Variants in FOXK1 observed in about 807,000 individuals in gnomAD.
FOXK1 encodes the protein forkhead box K1, also known as forkhead box protein K1.
FOXK1 carries 19 observed loss-of-function variants against 51.9 expected under a neutral mutation model. The ratio of observed to expected loss-of-function variants is 0.37; its 90% CI spans 0.26 to 0.54. The LOEUF is 0.54. Ranked by LOEUF, FOXK1 falls within the 20% of genes least tolerant of loss-of-function variation. FOXK1 has a pLI of 0.87. For synonymous variants in FOXK1, 537 were observed against 482.6 expected (o/e 1.11, Z -1.48); for missense variants, 870 against 1,032.7 (o/e 0.84, Z 2.16).
rs555700334 is a variant in FOXK1, at chr7:4,761,275, C to T, written c.1908C>T (p.Ala636=). The T allele has an allele frequency of 2.7e-5, 44 of 1,612,416 alleles. No homozygotes were observed. Among genetic ancestry groups the T allele is most frequent in the Middle Eastern group, 1.7e-4 (1 of 6,058 alleles). Residue 636 remains alanine, a synonymous_variant, in exon 8 of 9, where the codon GCC becomes GCT. Coordinates refer to ENST00000328914, the MANE Select transcript of FOXK1 (RefSeq NM_001037165.2). The surrounding 1 kb of genome is among the most constrained non-coding windows in gnomAD (Gnocchi z 6.2). ...GKHAVPTNSL[A]GNAYALTSPL... ...ATGCGGTTCCCACGAACAGTTTAGC[C>T]GGCAACGCTTACGGTGAGGCCCTGG...
chr7:4,741,037 C>A lies in FOXK1; in HGVS notation c.746+14C>A. ...GGGCACCATCAGGTGAGTAGCCCCC[C>A]AGCCTGCCCTTGGGCCCCCAGGAGA... On this transcript the variant is annotated intron_variant, in intron 2 of 8. Coordinates refer to ENST00000328914, the MANE Select transcript of FOXK1 (RefSeq NM_001037165.2). The A allele has an allele frequency of 2.0e-6, 3 of 1,492,716 alleles. No individual in the cohort carries two copies. The highest frequency in any genetic ancestry group is 1.3e-5 in the South Asian group (1 of 74,098). 92.5% of individuals were successfully genotyped at this position (1,492,716 alleles called of 1,614,324 possible).
rs774017066 is a variant in FOXK1 at position 4,769,992 on chromosome 7, C to T, written c.*7528C>T. The T allele has an allele frequency of 1.3e-5, 2 of 152,202 alleles. No homozygotes were observed. The highest frequency in any genetic ancestry group is 2.4e-5 in the African/African-American group (1 of 41,450). 9.4% of individuals were successfully genotyped at this position (152,202 alleles called of 1,614,324 possible). A position where few individuals can be genotyped will look rare whatever the true frequency, so the allele number is the denominator to read the frequency against. The stretch of plus-strand genomic sequence containing the variant: ...GCTGACAGCCAAGAAGAGTTTTCCT[C>T]CCTTCGGTGACAGGGCCTGCCCCTC... On this transcript the variant is annotated 3_prime_UTR_variant, in exon 9 of 9. Coordinates refer to ENST00000328914, the MANE Select transcript of FOXK1 (RefSeq NM_001037165.2). This position sits in a 1 kb window ranked among gnomAD's most constrained non-coding sequence, Gnocchi z 4.1.
chr7:4,751,663 C>T (rs952352634), intron 2 of FOXK1, among the ~76,000 whole-genome samples: 1 of 152,210 alleles, frequency 6.6e-6, no homozygotes, highest in African/African-American at 2.4e-5. Context: ...TTGAATGGGG[C>T]TTATTGAGAG....
At chr7:4,708,353 G>A (rs1049248871) in intron 1 of FOXK1, among the ~76,000 whole-genome samples, 3 of 152,096 alleles carry the variant, frequency 2.0e-5, no homozygotes, top group South Asian at 4.1e-4. Context: ...CCCGTGGATC[G>A]GGATCCGGCC....
At chr7:4,705,837 C>T (rs1419620680) in intron 1 of FOXK1, among the ~76,000 whole-genome samples, 2 of 150,680 alleles carry the variant, frequency 1.3e-5, no homozygotes, top group Admixed American at 6.6e-5. Context: ...CCCCGGCCTT[C>T]ACGTGTCATT....
At chr7:4,706,060 A>ACG (rs1562373275) in intron 1 of FOXK1, among the ~76,000 whole-genome samples, 14 of 140,084 alleles carry the variant, frequency 1.0e-4, no homozygotes, top group Admixed American at 6.9e-4. Flanking sequence ...ATATGTATAT[A>ACG]TATGTGTATA....
chr7:4,758,691 G>A lies in FOXK1; in HGVS notation c.1245-360G>A. 4.0e-6 allele frequency: 1 copy of A among 252,378 alleles called. No individual in the cohort carries two copies. Among genetic ancestry groups the A allele is most frequent in the African/African-American group, 2.3e-5 (1 of 44,430 alleles). 15.6% of individuals were successfully genotyped at this position (252,378 alleles called of 1,614,324 possible). A position where few individuals can be genotyped will look rare whatever the true frequency, so the allele number is the denominator to read the frequency against. On this transcript the variant is annotated intron_variant, in intron 5 of 8. Transcript: ENST00000328914. The surrounding 1 kb of genome is among the most constrained non-coding windows in gnomAD (Gnocchi z 4.4). ...CGGGTAGAGTTTTCATGGTGGAACGGTTGCGCCCACCAAACAGAAGCTTAT... is the reference window on the plus strand; with the variant it reads ...CGGGTAGAGTTTTCATGGTGGAACGATTGCGCCCACCAAACAGAAGCTTAT...
chr7:4,723,756 C>T lies in FOXK1; in HGVS notation c.561-17082C>T, dbSNP rs1240823335. Among the ~76,000 whole-genome samples, 1 of 152,118 alleles carries T rather than the reference C, an allele frequency of 6.6e-6. No homozygotes were observed. Among genetic ancestry groups the T allele is most frequent in the Non-Finnish European group, 1.5e-5 (1 of 68,014 alleles). ...AATCGTAGCTCACTGCAGCCTCAACCTCCTGGGCTCAAGCAATCCTCCCGC... is the reference window on the plus strand; with the variant it reads ...AATCGTAGCTCACTGCAGCCTCAACTTCCTGGGCTCAAGCAATCCTCCCGC... On this transcript the variant is annotated intron_variant, in intron 1 of 8. Coordinates refer to ENST00000328914, the MANE Select transcript of FOXK1 (RefSeq NM_001037165.2). This position sits in a 1 kb window ranked among gnomAD's most constrained non-coding sequence, Gnocchi z 4.7.
chr7:4,698,298 A>G (rs1163527462), intron 1 of FOXK1, among the ~76,000 whole-genome samples: 1 of 148,714 alleles, frequency 6.7e-6, no homozygotes, highest in Non-Finnish European at 1.5e-5. Context: ...GCGATTTTAT[A>G]TATGTATGTG....
rs932204517 is a variant in FOXK1 at position 4,765,380 on chromosome 7, A to G, written c.*2916A>G. ...GCCTCCCAGCCAGGCGCTTTCGCAG[A>G]AGCAAGAGCACAGGCCAGGGGGACC... is the stretch of plus-strand genomic sequence containing the variant. On this transcript the variant is annotated 3_prime_UTR_variant, in exon 9 of 9. Coordinates refer to ENST00000328914, the MANE Select transcript of FOXK1 (RefSeq NM_001037165.2). 6.6e-6 allele frequency: 1 copy of G among 152,240 alleles called. No individual in the cohort carries two copies. The highest frequency in any genetic ancestry group is 2.4e-5 in the African/African-American group (1 of 41,446). 9.4% of individuals were successfully genotyped at this position (152,240 alleles called of 1,614,324 possible). A position where few individuals can be genotyped will look rare whatever the true frequency, so the allele number is the denominator to read the frequency against.
rs1780339681 is a variant in FOXK1, at chr7:4,723,393, T to C, written c.561-17445T>C. On this transcript the variant is annotated intron_variant, in intron 1 of 8. Transcript: ENST00000328914. The surrounding 1 kb of genome is among the most constrained non-coding windows in gnomAD (Gnocchi z 4.7). ...AGCTGTTTTTGTTTTCTGTGGGGTTTTTTTTTTGGACGTTCCCAGCTGACT... is the reference window on the plus strand; with the variant it reads ...AGCTGTTTTTGTTTTCTGTGGGGTTCTTTTTTTGGACGTTCCCAGCTGACT... 6.6e-6 allele frequency among the ~76,000 whole-genome samples: 1 copy of C among 152,098 alleles called. No homozygotes were observed. Among genetic ancestry groups the C allele is most frequent in the African/African-American group, 2.4e-5 (1 of 41,428 alleles).
chr7:4,702,796 G>GC (rs1444310140), intron 1 of FOXK1, among the ~76,000 whole-genome samples: 1 of 152,170 alleles, frequency 6.6e-6, no homozygotes, highest in Admixed American at 6.5e-5. Flanking sequence ...AGTGGGTGTA[G>GC]CCCCCCATCC....
chr7:4,754,614 A>T lies in FOXK1; in HGVS notation c.902A>T (p.Lys301Met). 1.2e-6 allele frequency: 2 copies of T among 1,602,844 alleles called. No individual in the cohort carries two copies. Among genetic ancestry groups the T allele is most frequent in the Non-Finnish European group, 1.7e-6 (2 of 1,179,668 alleles). Residue 301 changes from lysine to methionine, a missense_variant and splice_region_variant, in exon 3 of 9, where the codon AAG becomes ATG. This residue lies in a region of FOXK1 where 399 missense variants were observed against 475.6 expected (regional missense o/e 0.84). Coordinates refer to ENST00000328914, the MANE Select transcript of FOXK1 (RefSeq NM_001037165.2). Reference protein sequence around the residue: ...QADTSGGDSPKDESKPPFSYA... With the variant: ...QADTSGGDSPMDESKPPFSYA... ...GACACGTCTGGAGGAGACAGCCCCA[A>T]GGTCTGAGCCCACCTGGCGCCGTGG...
In FOXK1 at chr7:4,747,736, C is replaced by T. The variant is rs914986024; in HGVS notation, c.746+6713C>T. Among the ~76,000 whole-genome samples, 3 of 151,974 alleles carry T rather than the reference C, an allele frequency of 2.0e-5. No individual in the cohort carries two copies. The highest frequency in any genetic ancestry group is 4.8e-5 in the African/African-American group (2 of 41,342). On this transcript the variant is annotated intron_variant, in intron 2 of 8. Transcript: ENST00000328914. This position sits in a 1 kb window ranked among gnomAD's most constrained non-coding sequence, Gnocchi z 9.2. Reference sequence around the variant, plus strand: ...TTATTTTCGTTGAGATGGTGTCTTGCCCAGGCTGGTCCTGAACTCCTGGCC... The same window carrying T: ...TTATTTTCGTTGAGATGGTGTCTTGTCCAGGCTGGTCCTGAACTCCTGGCC...
At position 4,683,979 on chromosome 7, in the gene FOXK1, CCCGAGGTCA is replaced by C. The variant is rs1489136309; in HGVS notation, c.560+1114_560+1122del. On this transcript the variant is annotated intron_variant, in intron 1 of 8. Coordinates refer to ENST00000328914, the MANE Select transcript of FOXK1 (RefSeq NM_001037165.2). This position sits in a 1 kb window ranked among gnomAD's most constrained non-coding sequence, Gnocchi z 4.5. ...CAAGATCAAATTAGATTCCCCCGGG[CCCGAGGTCA>C]CCAGGGCAGAGAGACCCAGCTGGGC... Among the ~76,000 whole-genome samples, 1 of 152,124 alleles carries C rather than the reference CCCGAGGTCA, an allele frequency of 6.6e-6. No homozygotes were observed. Among genetic ancestry groups the C allele is most frequent in the Non-Finnish European group, 1.5e-5 (1 of 68,022 alleles).
chr7:4,682,927 C>G lies in FOXK1; in HGVS notation c.560+59C>G. The G allele has an allele frequency of 1.4e-6, 2 of 1,393,836 alleles. No homozygotes were observed. The highest frequency in any genetic ancestry group is 1.9e-6 in the Non-Finnish European group (2 of 1,067,042). The allele number at this position is 1,393,836 out of a possible 1,614,324, so 86.3% of individuals were successfully genotyped here. A position where few individuals can be genotyped will look rare whatever the true frequency, so the allele number is the denominator to read the frequency against. On this transcript the variant is annotated intron_variant, in intron 1 of 8. Transcript: ENST00000328914. This position sits in a 1 kb window ranked among gnomAD's most constrained non-coding sequence, Gnocchi z 7.6. ...CGGGGCTCGCCCACGACCTCGATCT[C>G]TGAGGCCCGGGCCTGGGGATCCCCC...
Position 4,724,580 on chromosome 7 carries a change from A to G in FOXK1, c.561-16258A>G, listed in dbSNP as rs188920700. On this transcript the variant is annotated intron_variant, in intron 1 of 8. Coordinates refer to ENST00000328914, the MANE Select transcript of FOXK1 (RefSeq NM_001037165.2). ...ATTTCTATTTTGTCCAAATGTGTCA[A>G]TCAGGGGTCTGTGCCTCGTTGTGTG... is the stretch of plus-strand genomic sequence containing the variant. 3.4e-4 allele frequency among the ~76,000 whole-genome samples: 52 copies of G among 152,186 alleles called. No homozygotes were observed. The South Asian group carries it at 3.9e-3, about 12-fold the overall frequency.
At chr7:4,693,263 T>C (rs963005097) in intron 1 of FOXK1, among the ~76,000 whole-genome samples, 6 of 152,192 alleles carry the variant, frequency 3.9e-5, no homozygotes, top group African/African-American at 1.4e-4. Flanking sequence ...TCGAACCCAA[T>C]AAACTCTGTT....
rs1780719889 is a variant in FOXK1, at chr7:4,747,470, A to C, written c.746+6447A>C. Among the ~76,000 whole-genome samples the C allele has an allele frequency of 6.6e-6, 1 of 152,134 alleles. No individual in the cohort carries two copies. The highest frequency in any genetic ancestry group is 1.5e-5 in the Non-Finnish European group (1 of 68,028). The stretch of plus-strand genomic sequence containing the variant: ...CAAAGTGCACTTCAGAAACAAGTTA[A>C]TTTTATTTTCTAAATTATTATTTTT... On this transcript the variant is annotated intron_variant, in intron 2 of 8. Coordinates refer to ENST00000328914, the MANE Select transcript of FOXK1 (RefSeq NM_001037165.2). The surrounding 1 kb of genome is among the most constrained non-coding windows in gnomAD (Gnocchi z 9.2).
Sources: gnomAD v4.1 joint callset for allele counts (sites outside exome capture counted in the v4.1 genomes callset) on GRCh38, gnomAD v4.1.1 for gene constraint, gnomAD v4.1.1 regional missense constraint, Gnocchi (gnomAD v3.1) non-coding constraint, MANE v1.5 for transcripts, NCBI Gene and HGNC (gene_info 2026-07-23, HGNC 2026-07-21) for gene names.